Variants in KCNH7 observed in about 807,000 individuals in gnomAD.
KCNH7 encodes the protein voltage-gated inwardly rectifying potassium channel KCNH7.
In KCNH7, 49 loss-of-function variants were observed where a neutral mutation model predicts 120.8. That is an observed-to-expected ratio of 0.41 (90% confidence interval 0.32 to 0.51). KCNH7 has a LOEUF of 0.51. KCNH7 is among the 20% of genes least tolerant of loss of function. KCNH7 has a pLI of 0.38. For synonymous variants in KCNH7, 547 were observed against 516.1 expected (o/e 1.06, Z -0.81); for missense variants, 1,097 against 1,446.6 (o/e 0.76, Z 3.92).
chr2:162,557,334 A>T (rs1017050386), intron 2 of KCNH7, among the ~76,000 whole-genome samples: 1 of 152,314 alleles, frequency 6.6e-6, no homozygotes, highest in South Asian at 2.1e-4. Context: ...TGGGCGTTCA[A>T]TTGCAAACTT....
chr2:162,577,405 C>T (rs1320227172), intron 2 of KCNH7, among the ~76,000 whole-genome samples: 2 of 146,786 alleles, frequency 1.4e-5, no homozygotes, highest in East Asian at 4.0e-4. Flanking sequence ...ATCCATCTAT[C>T]TATCTATCTA....
At chr2:162,741,876 A>G (rs1481886390) in intron 2 of KCNH7, among the ~76,000 whole-genome samples, 5 of 152,176 alleles carry the variant, frequency 3.3e-5, no homozygotes, top group Non-Finnish European at 7.4e-5. Context: ...TCTTGAAGTT[A>G]ATATAATTTA....
rs372247359 is a variant in KCNH7, at chr2:162,406,149, G to A, written c.2155-5708C>T. 2.8e-3 allele frequency among the ~76,000 whole-genome samples: 420 copies of A among 151,920 alleles called. 8 individuals are homozygous for A. The highest frequency in any genetic ancestry group is 9.5e-3 in the African/African-American group (393 of 41,472). On this transcript the variant is annotated intron_variant, in intron 9 of 15. Coordinates refer to ENST00000332142, the MANE Select transcript of KCNH7 (RefSeq NM_033272.4). ...GCCCAAGTTCCAAAACACTCTTATGGTGGTTATACTTTCTCGATTCTGTTT... is the reference window on the plus strand; with the variant it reads ...GCCCAAGTTCCAAAACACTCTTATGATGGTTATACTTTCTCGATTCTGTTT...
intron 6 of KCNH7, among the ~76,000 whole-genome samples, chr2:162,475,600 G>C (rs1032046731): frequency 6.6e-6 from 1 of 152,086 alleles, no homozygotes; most frequent in Non-Finnish European, 1.5e-5. Context: ...ATAAAGATGA[G>C]GTTATTATGC....
chr2:162,685,512 T>C (rs1403919879), intron 2 of KCNH7, among the ~76,000 whole-genome samples: 1 of 152,150 alleles, frequency 6.6e-6, no homozygotes, highest in Admixed American at 6.6e-5. Context: ...TTGTTACACA[T>C]GCTCGGAAGG....
intron 2 of KCNH7, among the ~76,000 whole-genome samples, chr2:162,626,361 C>A (rs1683558158): frequency 6.6e-6 from 1 of 152,020 alleles, no homozygotes; most frequent in Admixed American, 6.6e-5. Context: ...TAAAATAAAT[C>A]CAATACTAGA....
chr2:162,588,621 A>C (rs1229327087), intron 2 of KCNH7, among the ~76,000 whole-genome samples: 4 of 152,106 alleles, frequency 2.6e-5, no homozygotes, highest in Middle Eastern at 3.2e-3. Context: ...ATGACACATA[A>C]TTGTACATAT....
intron 6 of KCNH7, among the ~76,000 whole-genome samples, chr2:162,472,744 C>T (rs985466511): frequency 4.6e-5 from 7 of 152,140 alleles, no homozygotes; most frequent in Admixed American, 1.3e-4. Flanking sequence ...ACTGGGTATA[C>T]ACCCAAAGGA....
At chr2:162,382,277 G>A (rs1004432114) in intron 13 of KCNH7, among the ~76,000 whole-genome samples, 3 of 151,994 alleles carry the variant, frequency 2.0e-5, no homozygotes, top group Admixed American at 2.0e-4. Flanking sequence ...AGGCTTCCTT[G>A]ATTATAATTT....
intron 2 of KCNH7, among the ~76,000 whole-genome samples, chr2:162,614,001 A>G (rs544064199): frequency 1.4e-4 from 22 of 151,926 alleles, no homozygotes; most frequent in Non-Finnish European, 2.9e-4. Context: ...AACAGAGTAC[A>G]AAGAAACTGA....
chr2:162,830,321 C>T (rs922427787), intron 2 of KCNH7, among the ~76,000 whole-genome samples: 23 of 152,164 alleles, frequency 1.5e-4, no homozygotes, highest in African/African-American at 5.3e-4. Flanking sequence ...TCTGAGCAAT[C>T]AAGTATGACT....
intron 2 of KCNH7, among the ~76,000 whole-genome samples, chr2:162,664,040 G>A (rs34866754): frequency 0.014 from 2,080 of 152,152 alleles, 24 homozygotes; most frequent in South Asian, 0.035. Context: ...TGCATTCTCT[G>A]CAAATTCTCC....
intron 2 of KCNH7, among the ~76,000 whole-genome samples, chr2:162,691,442 G>T (rs1019329042): frequency 6.6e-6 from 1 of 152,116 alleles, no homozygotes; most frequent in African/African-American, 2.4e-5. Flanking sequence ...ACATTGTTCA[G>T]CAGGTAGGGT....
At chr2:162,439,276 G>C (rs541688116) in intron 7 of KCNH7, among the ~76,000 whole-genome samples, 1 of 152,100 alleles carries the variant, frequency 6.6e-6, no homozygotes, top group African/African-American at 2.4e-5. Context: ...AATATTGTCT[G>C]TTTATTGTTA....
chr2:162,397,211 C>T lies in KCNH7; in HGVS notation c.2408-266G>A, dbSNP rs1030149439. 5.3e-5 allele frequency among the ~76,000 whole-genome samples: 8 copies of T among 151,512 alleles called. No homozygotes were observed. The East Asian group carries it at 1.4e-3, about 26-fold the overall frequency. On this transcript the variant is annotated intron_variant, in intron 10 of 15. Coordinates refer to ENST00000332142, the MANE Select transcript of KCNH7 (RefSeq NM_033272.4). Reference sequence around the variant, plus strand: ...GAACATTATCTTCAGTCCTGTATACCCCACTTTGCTAGCAAAGGGTCGTAC... The same window carrying T: ...GAACATTATCTTCAGTCCTGTATACTCCACTTTGCTAGCAAAGGGTCGTAC...
chr2:162,491,492 G>C (rs1045612348), intron 6 of KCNH7, among the ~76,000 whole-genome samples: 1 of 152,106 alleles, frequency 6.6e-6, no homozygotes, highest in African/African-American at 2.4e-5. Context: ...CTGACAATTA[G>C]GCCCCCTCCC....
chr2:162,707,066 C>G (rs532182902), intron 2 of KCNH7, among the ~76,000 whole-genome samples: 3 of 151,974 alleles, frequency 2.0e-5, no homozygotes, highest in African/African-American at 4.8e-5. Context: ...ATTTTTTTGC[C>G]TCAAGAGATT....
chr2:162,494,341 G>A (rs182471823), intron 6 of KCNH7, among the ~76,000 whole-genome samples: 1 of 152,096 alleles, frequency 6.6e-6, no homozygotes, highest in African/African-American at 2.4e-5. Flanking sequence ...CTTTTGGTAG[G>A]CTTCACAAAA....
chr2:162,375,912 GA>G lies in KCNH7; in HGVS notation c.3132-2251del, dbSNP rs1170816596. On this transcript the variant is annotated intron_variant, in intron 14 of 15. Transcript: ENST00000332142. The stretch of plus-strand genomic sequence containing the variant: ...ACCCTATCTAAAAAAAAAAAAAAAA[GA>G]AAAAAAAGAGGACTCTTATACTGAG... Among the ~76,000 whole-genome samples the G allele has an allele frequency of 5.1e-3, 734 of 144,182 alleles. 8 individuals carry two copies. The highest frequency in any genetic ancestry group is 0.018 in the African/African-American group (693 of 39,568). The allele number at this position is 144,182 out of a possible 152,430, so 94.6% of individuals were successfully genotyped here.
Sources: allele counts gnomAD v4.1 joint callset (sites outside exome capture counted in the v4.1 genomes callset), GRCh38; gene constraint gnomAD v4.1.1; transcripts MANE v1.5; gene names NCBI Gene and HGNC (gene_info 2026-07-23, HGNC 2026-07-21).